Variants in FAM228B observed in about 807,000 individuals in gnomAD.
FAM228B encodes family with sequence similarity 228 member B, also known as protein FAM228B.
In FAM228B, 38 loss-of-function variants were observed where a neutral mutation model predicts 42.6. The ratio of observed to expected loss-of-function variants is 0.89; its 90% CI spans 0.69 to 1.17. FAM228B has a LOEUF of 1.17. Among genes scored for constraint, FAM228B ranks in the 50% most tolerant of loss-of-function variants. The pLI is 0.00. For missense variants in FAM228B, 344 were observed against 367.3 expected, an observed-to-expected ratio of 0.94 and a Z score of 0.52; for synonymous variants, 109 against 122.3, an observed-to-expected ratio of 0.89 and a Z score of 0.72.
chr2:24,161,744 C>T (rs181865761), intron 8 of FAM228B, 131 bp downstream of exon 8: 432 of 638,828 alleles, frequency 6.8e-4, no homozygotes, highest in Middle Eastern at 2.0e-3. Context: ...GGCAGGACAC[C>T]GGGCATCTCC....
chr2:24,083,221 C>T, intron 2 of FAM228B: 1 of 1,476,378 alleles, frequency 6.8e-7, no homozygotes, highest in African/African-American at 1.4e-5. Flanking sequence ...CCCTGGCCCC[C>T]CTTCCAAGAT....
At chr2:24,143,640 A>G (rs1666817624) in intron 5 of FAM228B, among the ~76,000 whole-genome samples, 1 of 152,212 alleles carries the variant, frequency 6.6e-6, no homozygotes. Context: ...AGTTTACAAA[A>G]ATGTAAAACA....
At chr2:24,155,899 G>A (rs1239778756) in intron 7 of FAM228B, among the ~76,000 whole-genome samples, 1 of 152,120 alleles carries the variant, frequency 6.6e-6, no homozygotes, top group Non-Finnish European at 1.5e-5. Flanking sequence ...TAGAGGAACA[G>A]CTTCTCTTCA....
chr2:24,147,916 C>CTTT (rs34823316), intron 7 of FAM228B, among the ~76,000 whole-genome samples: 1 of 119,198 alleles, frequency 8.4e-6, no homozygotes, highest in Non-Finnish European at 1.8e-5. Flanking sequence ...TTTGCCTTGC[C>CTTT]TTTTTTTTTT....
At chr2:24,154,152 T>C (rs1667081543) in intron 7 of FAM228B, among the ~76,000 whole-genome samples, 1 of 152,254 alleles carries the variant, frequency 6.6e-6, no homozygotes, top group African/African-American at 2.4e-5. Flanking sequence ...GATATGAAGT[T>C]AAAACGAGGT....
At chr2:24,096,269 G>C (rs1004591819) in intron 3 of FAM228B, 2 of 152,222 alleles carry the variant, frequency 1.3e-5, no homozygotes, top group African/African-American at 4.8e-5. Context: ...GACAAAGCTG[G>C]ATGGAGAATG....
At chr2:24,150,140 A>G (rs1195997035) in intron 7 of FAM228B, among the ~76,000 whole-genome samples, 1 of 152,098 alleles carries the variant, frequency 6.6e-6, no homozygotes, top group African/African-American at 2.4e-5. Flanking sequence ...GCACACCACC[A>G]TTGCAGTGTT....
At chr2:24,130,674 G>GT (rs1666434501) in intron 2 of FAM228B, among the ~76,000 whole-genome samples, 1 of 151,898 alleles carries the variant, frequency 6.6e-6, no homozygotes, top group South Asian at 2.1e-4. Context: ...AAACTTGTTT[G>GT]TTTTTTGTAG....
rs765902016 is a variant in FAM228B, at chr2:24,077,720, C to A, written c.-290+751C>A. ...GGGGGCCCTCCGTGGAGAAGTGAGG[C>A]AGAATTTGCTCCGTGAAAGCATTCA... On this transcript the variant is annotated intron_variant, in intron 1 of 10. Transcript: ENST00000613899. The surrounding 1 kb of genome is among the most constrained non-coding windows in gnomAD (Gnocchi z 5.5). The A allele has an allele frequency of 6.2e-7, 1 of 1,613,978 alleles. No homozygotes were observed. The highest frequency in any genetic ancestry group is 8.5e-7 in the Non-Finnish European group (1 of 1,179,934).
intron 2 of FAM228B, among the ~76,000 whole-genome samples, chr2:24,082,255 A>T (rs1456517378): frequency 6.6e-6 from 1 of 152,168 alleles, no homozygotes; most frequent in Non-Finnish European, 1.5e-5. Context: ...AAGTGCTACG[A>T]TTATAGGTGT....
rs34794796 is a variant in FAM228B, at chr2:24,082,662, A to G, written c.-210+1707A>G. Among the ~76,000 whole-genome samples the G allele has an allele frequency of 8.5e-5, 13 of 152,272 alleles. No homozygotes were observed. The East Asian group carries it at 2.3e-3, about 27-fold the overall frequency. On this transcript the variant is annotated intron_variant, in intron 2 of 10. Coordinates refer to the FAM228B transcript ENST00000613899. ...GGACTTCTGCTGGGCGTCCGGTGTTAACATGTACATAGGCCTCCTATCTAG... is the reference window on the plus strand; with the variant it reads ...GGACTTCTGCTGGGCGTCCGGTGTTGACATGTACATAGGCCTCCTATCTAG...
upstream of FAM228B, chr2:24,122,625 C>A: frequency 1.2e-6 from 1 of 845,224 alleles, no homozygotes; most frequent in Non-Finnish European, 2.0e-6. Flanking sequence ...GTCCTTAAGA[C>A]ACTGCAGACA....
chr2:24,109,275 A>T (rs999785180), intron 3 of FAM228B, among the ~76,000 whole-genome samples: 1 of 152,132 alleles, frequency 6.6e-6, no homozygotes, highest in South Asian at 2.1e-4. Context: ...CCCCTTCCTT[A>T]CACCATATAC....
chr2:24,167,407 T>G (rs1037238724), intron 9 of FAM228B, among the ~76,000 whole-genome samples: 2 of 151,134 alleles, frequency 1.3e-5, no homozygotes, highest in African/African-American at 4.8e-5. Context: ...TCCATTGCAA[T>G]CATTATAATA....
intron 3 of FAM228B, among the ~76,000 whole-genome samples, chr2:24,114,338 G>A (rs1413487090): frequency 6.6e-6 from 1 of 152,106 alleles, no homozygotes; most frequent in Non-Finnish European, 1.5e-5. Context: ...GGGTCTCCGT[G>A]GCCATGCAGT....
chr2:24,117,349 C>T (rs1236627667), intron 3 of FAM228B, among the ~76,000 whole-genome samples: 1 of 151,986 alleles, frequency 6.6e-6, no homozygotes, highest in Non-Finnish European at 1.5e-5. Context: ...GCATAGCATC[C>T]TTTTCCTGTC....
intron 3 of FAM228B, among the ~76,000 whole-genome samples, chr2:24,103,547 T>C (rs1432636716): frequency 6.6e-6 from 1 of 152,136 alleles, no homozygotes; most frequent in Non-Finnish European, 1.5e-5. Flanking sequence ...AGTTGGAAGT[T>C]TGTAATGAGA....
chr2:24,166,839 G>GA (rs1667428724), intron 9 of FAM228B, among the ~76,000 whole-genome samples: 1 of 152,078 alleles, frequency 6.6e-6, no homozygotes, highest in African/African-American at 2.4e-5. Flanking sequence ...GAGATCTGGG[G>GA]AAAGAGTGTT....
At chr2:24,099,819 T>C (rs1665570731) in intron 3 of FAM228B, among the ~76,000 whole-genome samples, 1 of 152,146 alleles carries the variant, frequency 6.6e-6, no homozygotes, top group South Asian at 2.1e-4. Flanking sequence ...AAGACAATCC[T>C]AAGCAAAAAG....
Sources: gnomAD v4.1 joint callset for allele counts (sites outside exome capture counted in the v4.1 genomes callset) on GRCh38, gnomAD v4.1.1 for gene constraint, Gnocchi (gnomAD v3.1) non-coding constraint, MANE v1.5 for transcripts, NCBI Gene and HGNC (gene_info 2026-07-23, HGNC 2026-07-21) for gene names.